The following FBXO38 variants were observed in gnomAD, a reference collection of about 807,000 sequenced individuals.
FBXO38 encodes the protein F-box protein 38, also known as F-box only protein 38.
FBXO38 carries 53 observed loss-of-function variants against 131.9 expected under a neutral mutation model. The observed-to-expected ratio is 0.40, with a 90% CI of 0.32 to 0.51. The LOEUF is 0.51. FBXO38 is among the 20% of genes least tolerant of loss of function. The pLI, the probability that FBXO38 is intolerant of heterozygous loss-of-function variation, is 0.53. For missense variants in FBXO38, 1,076 were observed against 1,475.6 expected (o/e 0.73, Z 4.44); for synonymous variants, 452 against 505.6 (o/e 0.89, Z 1.42).
intron 17 of FBXO38, among the ~76,000 whole-genome samples, chr5:148,435,235 A>G (rs1754276414): frequency 6.6e-6 from 1 of 152,238 alleles, no homozygotes; most frequent in African/African-American, 2.4e-5. Context: ...GCTTTGGCTT[A>G]GGGAATGTTG....
At chr5:148,417,342 T>C in intron 12 of FBXO38, 138 bp downstream of exon 12, 1 of 674,990 alleles carries the variant, frequency 1.5e-6, no homozygotes, top group East Asian at 2.7e-5. Context: ...ATAAGGAACA[T>C]GAGGGAGTAG....
chr5:148,414,772 T>C (rs1398179632), intron 10 of FBXO38, among the ~76,000 whole-genome samples: 1 of 152,196 alleles, frequency 6.6e-6, no homozygotes, highest in Non-Finnish European at 1.5e-5. Flanking sequence ...GATCTCCCCC[T>C]CCAATCTCCT....
chr5:148,395,567 T>C (rs1236635287), intron 2 of FBXO38, among the ~76,000 whole-genome samples: 1 of 152,116 alleles, frequency 6.6e-6, no homozygotes, highest in Non-Finnish European at 1.5e-5. Context: ...ATAAGCAAAT[T>C]CTAACATACT....
At chr5:148,396,024 A>G (rs758970982) in intron 2 of FBXO38, among the ~76,000 whole-genome samples, 6 of 152,152 alleles carry the variant, frequency 3.9e-5, no homozygotes, top group African/African-American at 1.2e-4. Flanking sequence ...AAGTTTTAAA[A>G]TAGCAATAAC....
intron 12 of FBXO38, among the ~76,000 whole-genome samples, chr5:148,420,127 GTTT>G (rs71001489): frequency 7.1e-6 from 1 of 141,494 alleles, no homozygotes; most frequent in Admixed American, 7.4e-5. Context: ...TTTTTGTGGG[GTTT>G]TTTTTTTTTT....
intron 21 of FBXO38, chr5:148,441,578 T>G (rs1441289627): frequency 9.7e-6 from 2 of 205,204 alleles, no homozygotes; most frequent in Non-Finnish European, 1.9e-5. Context: ...AGTTATGAGC[T>G]GCTTATTGTG....
At chr5:148,402,269 C>A in intron 4 of FBXO38, 79 bp from the exon 5 acceptor site, 1 of 1,542,874 alleles carries the variant, frequency 6.5e-7, no homozygotes, top group South Asian at 1.2e-5. Flanking sequence ...CCATTGTGTA[C>A]TTAGCATCTT....
rs753453408 is a variant in FBXO38, at chr5:148,439,714, A to G, written c.3092A>G (p.His1031Arg). ...TACCCCTATCACATCTGTATTATCCATGAATTCAGTAACCCTCCCAATGTC... is the reference window on the plus strand; with the variant it reads ...TACCCCTATCACATCTGTATTATCCGTGAATTCAGTAACCCTCCCAATGTC... ...GPYPYHICII[H>R]EFSNPPNVRN... Residue 1031 changes from histidine to arginine, a missense_variant, in exon 19 of 22, where the codon CAT becomes CGT. By Grantham distance (29) the His-to-Arg change is conservative (BLOSUM62 0). Around this residue, in one of 8 missense-constraint regions of FBXO38, gnomAD observed 282 missense variants for 418.8 expected, o/e 0.67. Transcript: ENST00000340253. 1.9e-6 allele frequency: 3 copies of G among 1,612,448 alleles called. No homozygotes were observed. The highest frequency in any genetic ancestry group is 1.1e-5 in the South Asian group (1 of 91,064).
At chr5:148,409,829 A>G (rs955247219) in intron 8 of FBXO38, among the ~76,000 whole-genome samples, 4 of 152,240 alleles carry the variant, frequency 2.6e-5, no homozygotes, top group African/African-American at 7.2e-5. Context: ...AGGATTATAA[A>G]TAAAAGTGTT....
chr5:148,406,621 G>GT (rs1752459668), intron 7 of FBXO38, among the ~76,000 whole-genome samples: 1 of 152,006 alleles, frequency 6.6e-6, no homozygotes, highest in Non-Finnish European at 1.5e-5. Flanking sequence ...GATAAGACAT[G>GT]TTTTCTGGCT....
Position 148,442,114 on chromosome 5 carries a change from CAATGGAGAGCCAGTTG to C in FBXO38, c.3537_3552del (p.Asn1179LysfsTer46). ...CAATTTTTATCCACTATTGTGATGT[CAATGGAGAGCCAGTTG>C]AAGATGACTACATTTAATTGGTCCC... is the stretch of plus-strand genomic sequence containing the variant. On this transcript the variant is annotated frameshift_variant, in exon 22 of 22. Coordinates refer to ENST00000340253, the MANE Select transcript of FBXO38 (RefSeq NM_205836.3). LOFTEE classifies it high-confidence loss of function. 1 of 1,613,892 alleles carries C rather than the reference CAATGGAGAGCCAGTTG, an allele frequency of 6.2e-7. No homozygotes were observed. Among genetic ancestry groups the C allele is most frequent in the Non-Finnish European group, 8.5e-7 (1 of 1,179,876 alleles).
chr5:148,399,439 A>G (rs932443600), intron 3 of FBXO38: 2 of 257,226 alleles, frequency 7.8e-6, no homozygotes, highest in Non-Finnish European at 1.5e-5. Context: ...CACATTAGAC[A>G]CTGTGTGTCC....
At chr5:148,405,555 C>T (rs1279693966) in intron 6 of FBXO38, among the ~76,000 whole-genome samples, 1 of 152,134 alleles carries the variant, frequency 6.6e-6, no homozygotes, top group Non-Finnish European at 1.5e-5. Context: ...GACACCTTTC[C>T]AAGATATATC....
chr5:148,420,930 T>G (rs1753384895), intron 12 of FBXO38, among the ~76,000 whole-genome samples: 1 of 152,080 alleles, frequency 6.6e-6, no homozygotes, highest in South Asian at 2.1e-4. Context: ...ATGCTGGGAT[T>G]ACAGGTGTGA....
In FBXO38 at chr5:148,424,070, C is replaced by T. The variant is rs1193529638; in HGVS notation, c.1691C>T (p.Ala564Val). 1.9e-6 allele frequency: 3 copies of T among 1,613,570 alleles called. No homozygotes were observed. Among genetic ancestry groups the T allele is most frequent in the Non-Finnish European group, 2.5e-6 (3 of 1,179,700 alleles). ...VVAESGNNTP[A>V]HSQAIIPVDV... The stretch of plus-strand genomic sequence containing the variant: ...GCCGAGAGTGGAAATAATACTCCAG[C>T]TCACAGCCAGGCAATTATTCCTGTG... The change falls in exon 13 of 22, where the codon GCT becomes GTT. Residue 564 changes from alanine (A) to valine (V), a missense_variant. Around this residue, in one of 8 missense-constraint regions of FBXO38, gnomAD observed 212 missense variants for 221.2 expected, o/e 0.96. Transcript: ENST00000340253.
intron 2 of FBXO38, among the ~76,000 whole-genome samples, chr5:148,398,618 T>A (rs905462396): frequency 3.9e-5 from 6 of 151,926 alleles, no homozygotes; most frequent in African/African-American, 1.4e-4. Flanking sequence ...ATGTTCAAAT[T>A]GAGTAATTCT....
chr5:148,432,585 C>A (rs537451059), intron 15 of FBXO38, among the ~76,000 whole-genome samples: 1 of 152,120 alleles, frequency 6.6e-6, no homozygotes, highest in African/African-American at 2.4e-5. Context: ...TGAGTTAATA[C>A]GAGTAAAACC....
Position 148,433,627 on chromosome 5 carries a change from G to A in FBXO38, c.2755-8G>A, listed in dbSNP as rs1468803464. On this transcript the variant is annotated splice_polypyrimidine_tract_variant and splice_region_variant and intron_variant, in intron 16 of 21. Transcript: ENST00000340253. ...TCTTTATATAGTTTCTAATTTTTCT[G>A]CTTGTAGGTTCTTGTATTAAAATCC... 3 of 1,585,614 alleles carry A rather than the reference G, an allele frequency of 1.9e-6. No homozygotes were observed. In the African/African-American group the frequency reaches 4.1e-5, roughly 22 times the overall value.
rs146212539 is a variant in FBXO38, at chr5:148,418,688, C to T, written c.1618+1484C>T. ...TGCACTTCAGAGGACATGGACTGTA[C>T]GTGGGAAACTTACAGCAGCTGCCAT... is the stretch of plus-strand genomic sequence containing the variant. On this transcript the variant is annotated intron_variant, in intron 12 of 21. Transcript: ENST00000340253. Among the ~76,000 whole-genome samples, 500 of 152,248 alleles carry T rather than the reference C, an allele frequency of 3.3e-3. 3 individuals carry two copies. The highest frequency in any genetic ancestry group is 4.9e-3 in the Non-Finnish European group (333 of 68,020).
Sources: allele counts gnomAD v4.1 joint callset (sites outside exome capture counted in the v4.1 genomes callset), GRCh38; gene constraint gnomAD v4.1.1; regional missense constraint gnomAD v4.1.1; transcripts MANE v1.5; gene names NCBI Gene and HGNC (gene_info 2026-07-23, HGNC 2026-07-21).